Variants in LUZP2 observed in about 807,000 individuals in gnomAD.
LUZP2 encodes leucine zipper protein 2.
A neutral mutation model predicts 51.6 loss-of-function variants in LUZP2; 52 were observed. The observed-to-expected ratio is 1.01, with a 90% CI of 0.81 to 1.27. LUZP2 has a LOEUF of 1.27. Among genes scored for constraint, LUZP2 ranks in the 50% most tolerant of loss-of-function variants. LUZP2 has a pLI of 0.00. For missense variants in LUZP2, 436 were observed against 395.4 expected, an observed-to-expected ratio of 1.10 and a Z score of -0.87; for synonymous variants, 154 against 137.3, an observed-to-expected ratio of 1.12 and a Z score of -0.85.
In LUZP2 at chr11:24,925,445, T is replaced by C. The variant is rs557522558; in HGVS notation, c.522+10907T>C. Among the ~76,000 whole-genome samples the C allele has an allele frequency of 7.9e-5, 12 of 152,306 alleles. 1 individual carries two copies. In the Middle Eastern group the frequency reaches 0.01, roughly 130 times the overall value. On this transcript the variant is annotated intron_variant, in intron 7 of 11. Coordinates refer to ENST00000336930, the MANE Select transcript of LUZP2 (RefSeq NM_001009909.4). ...ACCAACAGCTTAGAAGTAAATTCTGTGCATAAGAAACAAGAGAAAGTAAAT... is the reference window on the plus strand; with the variant it reads ...ACCAACAGCTTAGAAGTAAATTCTGCGCATAAGAAACAAGAGAAAGTAAAT...
intron 9 of LUZP2, among the ~76,000 whole-genome samples, chr11:25,046,863 A>G (rs1858329998): frequency 6.6e-6 from 1 of 152,230 alleles, no homozygotes; most frequent in African/African-American, 2.4e-5. Context: ...AAAGCAGAAT[A>G]AAAATGGCAT....
At chr11:25,004,456 A>G (rs1856778991) in intron 9 of LUZP2, among the ~76,000 whole-genome samples, 1 of 152,072 alleles carries the variant, frequency 6.6e-6, no homozygotes, top group Admixed American at 6.6e-5. Flanking sequence ...CATATTATAG[A>G]ACACTGTGGT....
chr11:24,833,679 C>T (rs1047192526), intron 5 of LUZP2, among the ~76,000 whole-genome samples: 6 of 147,018 alleles, frequency 4.1e-5, no homozygotes, highest in East Asian at 2.0e-4. Context: ...GTTTTACACA[C>T]GTCACGTCCC....
chr11:24,801,270 A>G lies in LUZP2; in HGVS notation c.396+37962A>G, dbSNP rs145840447. 3.1e-3 allele frequency among the ~76,000 whole-genome samples: 471 copies of G among 152,116 alleles called. 1 individual carries two copies. The highest frequency in any genetic ancestry group is 0.011 in the African/African-American group (446 of 41,502). On this transcript the variant is annotated intron_variant, in intron 5 of 11. Transcript: ENST00000336930. ...GGAATACCATCTCCCTTTTCCAGGAATCGATCTGCCTGCCTCTGCAACCCC... is the reference window on the plus strand; with the variant it reads ...GGAATACCATCTCCCTTTTCCAGGAGTCGATCTGCCTGCCTCTGCAACCCC...
intron 5 of LUZP2, among the ~76,000 whole-genome samples, chr11:24,857,641 G>A (rs1321160055): frequency 6.6e-6 from 1 of 151,188 alleles, no homozygotes; most frequent in Non-Finnish European, 1.5e-5. Flanking sequence ...AGTAGTACCT[G>A]GTACAGTGTG....
intron 5 of LUZP2, among the ~76,000 whole-genome samples, chr11:24,774,276 T>C (rs996755163): frequency 2.0e-5 from 3 of 149,804 alleles, no homozygotes; most frequent in African/African-American, 7.4e-5. Context: ...CCTGTGCAGA[T>C]GGCCTATTAT....
At chr11:24,893,779 C>T (rs1315429808) in intron 5 of LUZP2, among the ~76,000 whole-genome samples, 1 of 41,322 alleles carries the variant, frequency 2.4e-5, no homozygotes, top group Non-Finnish European at 5.9e-5. Context: ...CACGCACACA[C>T]ACACACACAC....
At chr11:24,942,559 T>A (rs1176024589) in intron 7 of LUZP2, among the ~76,000 whole-genome samples, 2 of 152,216 alleles carry the variant, frequency 1.3e-5, no homozygotes, top group Non-Finnish European at 2.9e-5. Flanking sequence ...GTTTTATTTT[T>A]ATATTGGATT....
chr11:25,012,462 C>T (rs538184060), intron 9 of LUZP2, among the ~76,000 whole-genome samples: 6 of 152,256 alleles, frequency 3.9e-5, no homozygotes, highest in Admixed American at 2.6e-4. Flanking sequence ...TTCCTATCTC[C>T]CTGATGCATT....
At chr11:24,647,507 ATT>A in intron 1 of LUZP2, among the ~76,000 whole-genome samples, 1 of 151,956 alleles carries the variant, frequency 6.6e-6, no homozygotes, top group Non-Finnish European at 1.5e-5. Flanking sequence ...TCTGGAAATT[ATT>A]TTCTTTCATG....
intron 1 of LUZP2, among the ~76,000 whole-genome samples, chr11:24,547,626 A>G (rs1178428392): frequency 6.6e-6 from 1 of 152,094 alleles, no homozygotes; most frequent in Non-Finnish European, 1.5e-5. Context: ...AAACCCTAGA[A>G]GAAAACATAG....
chr11:24,715,263 ATGTGTGTGTGTGTGTG>A (rs58368050), intron 1 of LUZP2, among the ~76,000 whole-genome samples: 10 of 133,884 alleles, frequency 7.5e-5, no homozygotes, highest in Non-Finnish European at 1.3e-4. Context: ...AGGAGCAACT[ATGTGTGTGTGTGTGTG>A]TGTGTGTGTG....
At chr11:24,932,289 G>T (rs150860941) in intron 7 of LUZP2, among the ~76,000 whole-genome samples, 1 of 152,160 alleles carries the variant, frequency 6.6e-6, no homozygotes, top group Non-Finnish European at 1.5e-5. Flanking sequence ...AGTACATGGA[G>T]GATACAAGCT....
intron 4 of LUZP2, among the ~76,000 whole-genome samples, chr11:24,753,967 C>A (rs1586395): frequency 6.6e-6 from 1 of 151,932 alleles, no homozygotes; most frequent in Non-Finnish European, 1.5e-5. Context: ...GGGGGACCAG[C>A]CAAGTCTCCC....
At chr11:24,531,884 A>G (rs560224665) in intron 1 of LUZP2, among the ~76,000 whole-genome samples, 1 of 151,066 alleles carries the variant, frequency 6.6e-6, no homozygotes, top group African/African-American at 2.4e-5. Flanking sequence ...CATCACCCTT[A>G]TATTTAATCC....
chr11:24,789,154 T>A (rs1849335139), intron 5 of LUZP2, among the ~76,000 whole-genome samples: 2 of 152,234 alleles, frequency 1.3e-5, no homozygotes, highest in Non-Finnish European at 2.9e-5. Context: ...TAGTACGCTC[T>A]ATGGACAACA....
At chr11:25,065,071 A>G (rs1193408311) in intron 10 of LUZP2, among the ~76,000 whole-genome samples, 3 of 152,066 alleles carry the variant, frequency 2.0e-5, no homozygotes, top group African/African-American at 7.2e-5. Context: ...CCTACAAAAC[A>G]CAATTCACTT....
intron 5 of LUZP2, among the ~76,000 whole-genome samples, chr11:24,793,049 C>A (rs1054905582): frequency 2.6e-5 from 4 of 152,118 alleles, no homozygotes; most frequent in Non-Finnish European, 4.4e-5. Flanking sequence ...TTAATTTTAG[C>A]TGAGCAAATT....
At chr11:24,930,454 C>T (rs1218677350) in intron 7 of LUZP2, among the ~76,000 whole-genome samples, 1 of 152,076 alleles carries the variant, frequency 6.6e-6, no homozygotes, top group Non-Finnish European at 1.5e-5. Context: ...TATTGTTTGT[C>T]TGAAAAAGAT....
Sources: gnomAD v4.1 joint callset for allele counts (sites outside exome capture counted in the v4.1 genomes callset) on GRCh38, gnomAD v4.1.1 for gene constraint, MANE v1.5 for transcripts, NCBI Gene and HGNC (gene_info 2026-07-23, HGNC 2026-07-21) for gene names.